Variants in KCNK9 observed in about 807,000 individuals in gnomAD.
The protein encoded by KCNK9 is potassium channel subfamily K member 9.
In KCNK9, 1 loss-of-function variant was observed where a neutral mutation model predicts 10.8. The observed-to-expected ratio is 0.09, with a 90% CI of 0.03 to 0.44. The LOEUF is 0.44. KCNK9 is among the 20% of genes least tolerant of loss of function. KCNK9 has a pLI of 0.97. For synonymous variants in KCNK9, 231 were observed against 222.7 expected (o/e 1.04, Z -0.33); for missense variants, 303 against 515.0 (o/e 0.59, Z 3.98).
intron 1 of KCNK9, among the ~76,000 whole-genome samples, chr8:139,678,546 G>C (rs1032830678): frequency 6.6e-6 from 1 of 152,260 alleles, no homozygotes; most frequent in African/African-American, 2.4e-5. Context: ...CAGGAAGCCA[G>C]ATCCTCATGC....
intron 2 of KCNK9, among the ~76,000 whole-genome samples, chr8:139,603,243 C>T (rs1185941539): frequency 6.6e-6 from 1 of 152,234 alleles, no homozygotes; most frequent in Non-Finnish European, 1.5e-5. Context: ...ACCTGCCCCC[C>T]AATTCCTCAT....
chr8:139,606,526 G>C (rs960208666), intron 2 of KCNK9, among the ~76,000 whole-genome samples: 2 of 152,182 alleles, frequency 1.3e-5, no homozygotes, highest in Non-Finnish European at 2.9e-5. Context: ...ATTTTGATGG[G>C]TGTGAGTTTG....
chr8:139,620,230 T>TG (rs2130108996), intron 1 of KCNK9, among the ~76,000 whole-genome samples: 1 of 141,500 alleles, frequency 7.1e-6, no homozygotes, highest in East Asian at 2.2e-4. Flanking sequence ...TCATGGACAG[T>TG]GTTTTTTTGG....
chr8:139,625,769 A>T (rs1307182110), intron 1 of KCNK9, among the ~76,000 whole-genome samples: 2 of 151,562 alleles, frequency 1.3e-5, no homozygotes, highest in African/African-American at 4.8e-5. Context: ...CCCAGAGGGG[A>T]GAGAGGCAGA....
intron 1 of KCNK9, among the ~76,000 whole-genome samples, chr8:139,688,347 C>T (rs1451458830): frequency 6.6e-6 from 1 of 152,204 alleles, no homozygotes; most frequent in African/African-American, 2.4e-5. Flanking sequence ...ACAGTTCCCA[C>T]ATGGCTGGAG....
chr8:139,626,181 C>A (rs565414705), intron 1 of KCNK9, among the ~76,000 whole-genome samples: 2 of 152,224 alleles, frequency 1.3e-5, no homozygotes, highest in Non-Finnish European at 2.9e-5. Flanking sequence ...TGCACTCCAG[C>A]GCTCAAGAGC....
At chr8:139,641,941 C>T (rs2129647268) in intron 1 of KCNK9, among the ~76,000 whole-genome samples, 1 of 152,322 alleles carries the variant, frequency 6.6e-6, no homozygotes, top group South Asian at 2.1e-4. Flanking sequence ...GCACAGGCCT[C>T]CTCTCAGGCT....
At chr8:139,643,362 C>A (rs545419379) in intron 1 of KCNK9, among the ~76,000 whole-genome samples, 101 of 152,336 alleles carry the variant, frequency 6.6e-4, no homozygotes, top group Non-Finnish European at 1.2e-3. Flanking sequence ...CTGGGGGGTT[C>A]CAGGTGGCTC....
intron 2 of KCNK9, among the ~76,000 whole-genome samples, chr8:139,605,030 T>A (rs969124721): frequency 6.6e-6 from 1 of 152,240 alleles, no homozygotes; most frequent in Non-Finnish European, 1.5e-5. Context: ...CCTGTCTTCA[T>A]GAGCCTTCCA....
chr8:139,694,709 T>C (rs1293353014), intron 1 of KCNK9, among the ~76,000 whole-genome samples: 1 of 152,124 alleles, frequency 6.6e-6, no homozygotes, highest in Non-Finnish European at 1.5e-5. Context: ...ACCCCAAACT[T>C]CAGCCCACCC....
chr8:139,637,263 T>C (rs1297213065), intron 1 of KCNK9, among the ~76,000 whole-genome samples: 1 of 152,120 alleles, frequency 6.6e-6, no homozygotes, highest in Non-Finnish European at 1.5e-5. Flanking sequence ...CCAACACACA[T>C]AGGCTTCCTT....
intron 1 of KCNK9, among the ~76,000 whole-genome samples, chr8:139,664,302 T>C (rs1421425977): frequency 6.6e-6 from 1 of 152,178 alleles, no homozygotes; most frequent in Non-Finnish European, 1.5e-5. Flanking sequence ...GAGCAAACCC[T>C]GCTGGTTCCA....
intron 1 of KCNK9, among the ~76,000 whole-genome samples, chr8:139,654,119 G>A (rs922832115): frequency 1.6e-4 from 25 of 152,248 alleles, no homozygotes; most frequent in African/African-American, 5.5e-4. Flanking sequence ...AAAGGACGAT[G>A]CTGTTATTTA....
At chr8:139,655,300 G>T (rs1462478132) in intron 1 of KCNK9, among the ~76,000 whole-genome samples, 1 of 152,182 alleles carries the variant, frequency 6.6e-6, no homozygotes, top group African/African-American at 2.4e-5. Flanking sequence ...GCAGGAGCAG[G>T]ACTCTGCCAC....
chr8:139,663,087 T>A (rs1474433754), intron 1 of KCNK9, among the ~76,000 whole-genome samples: 1 of 151,426 alleles, frequency 6.6e-6, no homozygotes, highest in Admixed American at 6.6e-5. Flanking sequence ...CACAACACAC[T>A]CCCTGGGAGG....
Position 139,618,116 on chromosome 8 carries a change from A to C in KCNK9, c.*142T>G. On this transcript the variant is annotated 3_prime_UTR_variant, in exon 2 of 2. Coordinates refer to ENST00000520439, the MANE Select transcript of KCNK9 (RefSeq NM_001282534.2). This position sits in a 1 kb window ranked among gnomAD's most constrained non-coding sequence, Gnocchi z 7.9. ...GGAAAGGTGGGGGAAAATGAGACCAAGAGACCAAGAAAGGAGGAAGGAGAG... is the reference window on the plus strand; with the variant it reads ...GGAAAGGTGGGGGAAAATGAGACCACGAGACCAAGAAAGGAGGAAGGAGAG... 1 of 1,214,916 alleles carries C rather than the reference A, an allele frequency of 8.2e-7. No homozygotes were observed. Among genetic ancestry groups the C allele is most frequent in the Non-Finnish European group, 1.2e-6 (1 of 867,132 alleles). The allele number at this position is 1,214,916 out of a possible 1,614,324, so 75.3% of individuals were successfully genotyped here. A position where few individuals can be genotyped will look rare whatever the true frequency, so the allele number is the denominator to read the frequency against.
chr8:139,663,618 T>A (rs914765806), intron 1 of KCNK9, among the ~76,000 whole-genome samples: 4 of 149,236 alleles, frequency 2.7e-5, no homozygotes, highest in African/African-American at 1.0e-4. Context: ...GCATTCACGT[T>A]TTCCCCCCAG....
rs377471009 is a variant in KCNK9 at position 139,630,079 on chromosome 8, C to T, written c.284-10980G>A. ...TTGCGGGGGGAGCGGGCGTGGGGGG[C>T]GGCGCGAAAGGGTAAGGGGTTTCTT... is the stretch of plus-strand genomic sequence containing the variant. On this transcript the variant is annotated intron_variant, in intron 1 of 1. Coordinates refer to ENST00000520439, the MANE Select transcript of KCNK9 (RefSeq NM_001282534.2). 6.7e-3 allele frequency among the ~76,000 whole-genome samples: 1,010 copies of T among 151,162 alleles called. 7 individuals are homozygous for T. Among genetic ancestry groups the T allele is most frequent in the South Asian group, 0.013 (60 of 4,728 alleles).
At chr8:139,658,841 C>T (rs1586670815) in intron 1 of KCNK9, among the ~76,000 whole-genome samples, 1 of 152,348 alleles carries the variant, frequency 6.6e-6, no homozygotes, top group South Asian at 2.1e-4. Flanking sequence ...CCTGAGTCTG[C>T]CACTGCCCTT....
Sources: gnomAD v4.1 joint callset for allele counts (sites outside exome capture counted in the v4.1 genomes callset) on GRCh38, gnomAD v4.1.1 for gene constraint, Gnocchi (gnomAD v3.1) non-coding constraint, MANE v1.5 for transcripts, NCBI Gene and HGNC (gene_info 2026-07-23, HGNC 2026-07-21) for gene names.